The following CSPP1 variants were observed in gnomAD, a reference collection of about 807,000 sequenced individuals.
CSPP1 encodes the protein centrosome and spindle pole-associated protein 1.
Under a neutral mutation model 164.4 loss-of-function variants are expected in CSPP1, and 126 were observed. The ratio of observed to expected loss-of-function variants is 0.77; its 90% confidence interval spans 0.66 to 0.89. The LOEUF is 0.89. Ranked by LOEUF, CSPP1 falls within the 40% of genes least tolerant of loss-of-function variation. The pLI, the probability that CSPP1 is intolerant of heterozygous loss-of-function variation, is 0.00. For synonymous variants in CSPP1, 472 were observed against 476.7 expected (o/e 0.99, Z 0.13); for missense variants, 1,395 against 1,449.8 (o/e 0.96, Z 0.61).
In CSPP1 at chr8:67,152,271, T is replaced by C. The variant is rs190121325; in HGVS notation, c.2129-1753T>C. Among the ~76,000 whole-genome samples, 3 of 152,236 alleles carry C rather than the reference T, an allele frequency of 2.0e-5. No individual in the cohort carries two copies. The East Asian group carries it at 5.8e-4, about 29-fold the overall frequency. ...TGTAGCATTTGATATTTTAAAAGCCTGAAGGAACTTGAATATAGCTGAAAA... is the reference window on the plus strand; with the variant it reads ...TGTAGCATTTGATATTTTAAAAGCCCGAAGGAACTTGAATATAGCTGAAAA... On this transcript the variant is annotated intron_variant, in intron 18 of 30. Transcript: ENST00000678616.
intron 7 of CSPP1, among the ~76,000 whole-genome samples, chr8:67,099,089 G>T (rs1179296851): frequency 6.6e-6 from 1 of 151,462 alleles, no homozygotes; most frequent in Non-Finnish European, 1.5e-5. Context: ...TTGTCTTCAA[G>T]GAAATAGGGA....
intron 28 of CSPP1, 30 bp downstream of exon 28, chr8:67,179,956 T>C: frequency 7.9e-7 from 1 of 1,272,514 alleles, no homozygotes; most frequent in Non-Finnish European, 1.1e-6. Context: ...TAAGGCTATA[T>C]TGTTTAAATA....
intron 17 of CSPP1, among the ~76,000 whole-genome samples, chr8:67,142,280 ATAAAT>A (rs1240830114): frequency 6.6e-6 from 1 of 152,238 alleles, no homozygotes; most frequent in Non-Finnish European, 1.5e-5. Context: ...GTCAATAAAA[ATAAAT>A]TAAAAGATAA....
chr8:67,159,844 TTC>T (rs1827457733), intron 21 of CSPP1, among the ~76,000 whole-genome samples: 6 of 122,854 alleles, frequency 4.9e-5, no homozygotes, highest in African/African-American at 1.2e-4. Flanking sequence ...CTTTCTTTCT[TTC>T]TTTCTTTTTC....
intron 16 of CSPP1, 62 bp downstream of exon 16, chr8:67,132,142 G>A: frequency 6.7e-7 from 1 of 1,491,058 alleles, no homozygotes; most frequent in South Asian, 1.3e-5. Flanking sequence ...TGGTCCCTTA[G>A]AGCTCAGAGT....
intron 15 of CSPP1, among the ~76,000 whole-genome samples, chr8:67,131,581 A>T (rs1318984060): frequency 6.6e-6 from 1 of 152,214 alleles, no homozygotes; most frequent in Non-Finnish European, 1.5e-5. Flanking sequence ...TAAATCATTT[A>T]AAAATAAATC....
chr8:67,128,823 T>C (rs1020702947), intron 15 of CSPP1, among the ~76,000 whole-genome samples: 1 of 152,218 alleles, frequency 6.6e-6, no homozygotes, highest in Non-Finnish European at 1.5e-5. Context: ...AGTATATCAG[T>C]TAAGAGCATG....
chr8:67,090,664 G>A (rs544418847), intron 4 of CSPP1, among the ~76,000 whole-genome samples: 17 of 152,298 alleles, frequency 1.1e-4, no homozygotes, highest in South Asian at 2.1e-4. Flanking sequence ...CGCTATTGTA[G>A]TTAATACGTT....
At chr8:67,188,916 A>G (rs956942958) in intron 28 of CSPP1, among the ~76,000 whole-genome samples, 17 of 152,280 alleles carry the variant, frequency 1.1e-4, no homozygotes, top group African/African-American at 3.8e-4. Flanking sequence ...CGCATGGCCC[A>G]AGATTCCATT....
intron 28 of CSPP1, among the ~76,000 whole-genome samples, chr8:67,187,226 G>A (rs1467762987): frequency 2.0e-5 from 3 of 152,168 alleles, no homozygotes; most frequent in African/African-American, 7.2e-5. Flanking sequence ...TGATTCTAAA[G>A]TTCATTTGGA....
intron 16 of CSPP1, chr8:67,134,340 A>G (rs1821804668): frequency 6.6e-6 from 1 of 152,202 alleles, no homozygotes; most frequent in Non-Finnish European, 1.5e-5. Flanking sequence ...CAAGCATGAC[A>G]ACAACATTAA....
At chr8:67,143,154 A>AG (rs1823836025) in intron 17 of CSPP1, among the ~76,000 whole-genome samples, 1 of 151,482 alleles carries the variant, frequency 6.6e-6, no homozygotes, top group Non-Finnish European at 1.5e-5. Context: ...ATGTCTCTTT[A>AG]GTCTCCTCCA....
intron 8 of CSPP1, among the ~76,000 whole-genome samples, chr8:67,104,505 G>A (rs886965524): frequency 2.6e-5 from 4 of 151,744 alleles, no homozygotes; most frequent in African/African-American, 9.7e-5. Context: ...ACTCATGGTG[G>A]GATTACAGGC....
chr8:67,064,382 C>A (rs1805052223), upstream of CSPP1: 1 of 1,611,192 alleles, frequency 6.2e-7, no homozygotes, highest in East Asian at 2.2e-5. Context: ...GGCGGAGCCC[C>A]GGCCCGGAGG....
intron 15 of CSPP1, among the ~76,000 whole-genome samples, chr8:67,122,429 C>CT (rs1173876613): frequency 1.3e-5 from 2 of 152,080 alleles, no homozygotes; most frequent in East Asian, 3.9e-4. Flanking sequence ...GGTATGTTGT[C>CT]TTTTCACTTT....
chr8:67,127,278 C>G (rs1266716513), intron 15 of CSPP1, among the ~76,000 whole-genome samples: 2 of 152,018 alleles, frequency 1.3e-5, no homozygotes, highest in Non-Finnish European at 2.9e-5. Context: ...GACATTTTTT[C>G]TTGGTTTTGG....
At chr8:67,159,856 CTTTCTTTCTTTCTTTCTTTCTT>C (rs1827506072) in intron 21 of CSPP1, among the ~76,000 whole-genome samples, 3 of 21,096 alleles carry the variant, frequency 1.4e-4, no homozygotes, top group African/African-American at 3.0e-4. Context: ...CTTTCTTTTT[CTTTCTTTCTTTCTTTCTTTCTT>C]TCTTTCTTTC....
intron 7 of CSPP1, among the ~76,000 whole-genome samples, chr8:67,096,360 G>C (rs984273399): frequency 2.0e-5 from 3 of 151,838 alleles, no homozygotes; most frequent in South Asian, 2.1e-4. Context: ...AGGTAAGGAG[G>C]TTGAGACCAG....
chr8:67,128,539 C>CAAAA (rs111984957), intron 15 of CSPP1, among the ~76,000 whole-genome samples: 1 of 74,192 alleles, frequency 1.3e-5, no homozygotes, highest in Non-Finnish European at 3.2e-5. Context: ...GACTCCATCT[C>CAAAA]AAAAAAAAAA....
Sources: gnomAD v4.1 joint callset for allele counts (sites outside exome capture counted in the v4.1 genomes callset) on GRCh38, gnomAD v4.1.1 for gene constraint, MANE v1.5 for transcripts, NCBI Gene and HGNC (gene_info 2026-07-23, HGNC 2026-07-21) for gene names.